Variants in CKLF observed in about 807,000 individuals in gnomAD.
The protein encoded by CKLF is chemokine-like factor.
Under a neutral mutation model 12.9 loss-of-function variants are expected in CKLF, and 16 were observed. The ratio of observed to expected loss-of-function variants is 1.24; its 90% CI spans 0.84 to 1.88. CKLF has a LOEUF of 1.88. Ranked by LOEUF, CKLF falls within the 40% of genes most tolerant of loss-of-function variation. The probability of loss-of-function intolerance (pLI) is 0.00; values close to 1 mark genes in which losing one functional copy is unlikely to be tolerated. For missense variants in CKLF, 172 were observed against 188.5 expected (o/e 0.91, Z 0.51); for synonymous variants, 61 against 69.0 (o/e 0.88, Z 0.57).
chr16:66,552,595 C>T lies in CKLF; in HGVS notation c.-121C>T. 2 of 1,490,886 alleles carry T rather than the reference C, an allele frequency of 1.3e-6. No individual in the cohort carries two copies. Among genetic ancestry groups the T allele is most frequent in the Middle Eastern group, 1.9e-4 (1 of 5,222 alleles). The allele number at this position is 1,490,886 out of a possible 1,614,324, so 92.4% of individuals were successfully genotyped here. A position where few individuals can be genotyped will look rare whatever the true frequency, so the allele number is the denominator to read the frequency against. ...CAAGAGAGCGGGAAGCCGAGCTGGG[C>T]GAGAAGTAGGGGAGGGCGGTGCTCC... On this transcript the variant is annotated 5_prime_UTR_variant, in exon 1 of 4. Coordinates refer to ENST00000264001, the MANE Select transcript of CKLF (RefSeq NM_016951.4).
chr16:66,555,753 C>T (rs1159248835), intron 1 of CKLF, among the ~76,000 whole-genome samples: 1 of 152,112 alleles, frequency 6.6e-6, no homozygotes, highest in Non-Finnish European at 1.5e-5. Context: ...AACAAATTTG[C>T]ATGTTAGAAA....
At chr16:66,558,375 T>G (rs1420162746) in intron 2 of CKLF, 27 bp downstream of exon 2, 3 of 1,586,382 alleles carry the variant, frequency 1.9e-6, no homozygotes, top group African/African-American at 1.4e-5. Context: ...ATCCTTAAAT[T>G]TTACTTTTTC....
At chr16:66,559,934 GT>G (rs11353411) in intron 2 of CKLF, among the ~76,000 whole-genome samples, 9,626 of 152,154 alleles carry the variant, frequency 0.063, 455 homozygotes, top group East Asian at 0.12. Context: ...TGGTTCTTTG[GT>G]TAAGACAAAA....
chr16:66,563,843 A>G (rs1041117383), intron 3 of CKLF, among the ~76,000 whole-genome samples: 3 of 152,236 alleles, frequency 2.0e-5, no homozygotes. Context: ...TATTCTTCTA[A>G]GATTTCTCAT....
At chr16:66,554,630 C>T (rs372502647) in intron 1 of CKLF, among the ~76,000 whole-genome samples, 17 of 152,104 alleles carry the variant, frequency 1.1e-4, no homozygotes, top group African/African-American at 3.6e-4. Context: ...TGCAGTGGAA[C>T]GAGAAAAGTA....
chr16:66,564,240 G>A (rs1246724730), intron 3 of CKLF, among the ~76,000 whole-genome samples: 1 of 152,166 alleles, frequency 6.6e-6, no homozygotes, highest in Non-Finnish European at 1.5e-5. Flanking sequence ...GTGCTATTCA[G>A]TATAGTAACC....
chr16:66,561,020 A>G (rs1420389746), intron 2 of CKLF, among the ~76,000 whole-genome samples: 1 of 152,146 alleles, frequency 6.6e-6, no homozygotes, highest in Non-Finnish European at 1.5e-5. Context: ...GTCCCTGCAG[A>G]GTAGAATTGG....
intron 2 of CKLF, chr16:66,558,568 G>GA: frequency 4.4e-6 from 2 of 453,760 alleles, no homozygotes; most frequent in Non-Finnish European, 7.5e-6. Context: ...CCATCTATCA[G>GA]TAGATGTGGC....
At chr16:66,558,633 G>A in intron 2 of CKLF, 1 of 266,882 alleles carries the variant, frequency 3.7e-6, no homozygotes, top group Admixed American at 5.1e-5. Context: ...TTTAAATTTA[G>A]GACCATGTTA....
chr16:66,555,378 G>T (rs2011397616), intron 1 of CKLF, among the ~76,000 whole-genome samples: 1 of 152,206 alleles, frequency 6.6e-6, no homozygotes, highest in South Asian at 2.1e-4. Flanking sequence ...GGTGGCTGGT[G>T]GTAGCAAAGC....
At chr16:66,557,838 A>C (rs2011508063) in intron 1 of CKLF, among the ~76,000 whole-genome samples, 1 of 152,240 alleles carries the variant, frequency 6.6e-6, no homozygotes, top group Admixed American at 6.5e-5. Context: ...TGTCAGAAGC[A>C]CAAGAGGAAT....
chr16:66,564,507 G>A (rs8061040), intron 3 of CKLF, among the ~76,000 whole-genome samples: 7,410 of 144,328 alleles, frequency 0.051, 300 homozygotes, highest in East Asian at 0.12. Flanking sequence ...TGTCTCTGTC[G>A]CCCAGGCTGG....
At position 66,552,659 on chromosome 16, in the gene CKLF, C is replaced by T; in HGVS notation, c.-57C>T. The T allele has an allele frequency of 6.2e-7, 1 of 1,613,086 alleles. No individual in the cohort carries two copies. The highest frequency in any genetic ancestry group is 8.5e-7 in the Non-Finnish European group (1 of 1,179,418). On this transcript the variant is annotated 5_prime_UTR_variant, in exon 1 of 4. Transcript: ENST00000264001. Reference sequence around the variant, plus strand: ...TTGCTATCGCTTCGCAGAACCTACTCAGGCAGCCAGCTGAGAAGAGTTGAG... The same window carrying T: ...TTGCTATCGCTTCGCAGAACCTACTTAGGCAGCCAGCTGAGAAGAGTTGAG...
downstream of CKLF, chr16:66,566,231 G>A (rs1567368012): frequency 1.3e-6 from 2 of 1,484,470 alleles, no homozygotes; most frequent in African/African-American, 1.4e-5. This position sits in a 1 kb window ranked among gnomAD's most constrained non-coding sequence, Gnocchi z 4.9. Context: ...AGAATGTGCC[G>A]GGATCCGCCT....
chr16:66,564,042 G>A (rs2011947980), intron 3 of CKLF, among the ~76,000 whole-genome samples: 1 of 152,204 alleles, frequency 6.6e-6, no homozygotes, highest in South Asian at 2.1e-4. Flanking sequence ...TGAGGAGTCA[G>A]AATTATTCTA....
At chr16:66,565,864 T>G in intron 3 of CKLF, 22 bp from the exon 4 acceptor site, 5 of 1,612,376 alleles carry the variant, frequency 3.1e-6, no homozygotes, top group Non-Finnish European at 4.2e-6. Context: ...GTTAGGGCAG[T>G]GACACTTGTC....
Position 66,565,941 on chromosome 16 carries a change from G to T in CKLF, c.389G>T (p.Arg130Leu), listed in dbSNP as rs536256590. 6.2e-7 allele frequency: 1 copy of T among 1,613,774 alleles called. No individual in the cohort carries two copies. The highest frequency in any genetic ancestry group is 8.5e-7 in the Non-Finnish European group (1 of 1,179,830). The change falls in exon 4 of 4, where the codon CGG becomes CTG. Residue 130 changes from arginine (R) to leucine (L), a missense_variant. Physicochemically the swap from Arg to Leu is moderately radical, Grantham distance 102. Coordinates refer to ENST00000264001, the MANE Select transcript of CKLF (RefSeq NM_016951.4). ...CCLADGALIY[R>L]KLLFNPSGPY... ...CTTGCCGACGGGGCCCTTATTTACC[G>T]GAAGCTTCTGTTCAATCCCAGCGGT...
intron 3 of CKLF, 95 bp downstream of exon 3, chr16:66,563,312 T>G: frequency 6.9e-7 from 1 of 1,445,918 alleles, no homozygotes; most frequent in Admixed American, 2.2e-5. Context: ...TATACTATAT[T>G]CATCCTTGAG....
intron 1 of CKLF, among the ~76,000 whole-genome samples, chr16:66,554,524 A>G (rs189800105): frequency 2.0e-5 from 3 of 152,354 alleles, no homozygotes; most frequent in Admixed American, 1.3e-4. Flanking sequence ...TAGTGAAAAA[A>G]AACAAAGATC....
Sources: gnomAD v4.1 joint callset for allele counts (sites outside exome capture counted in the v4.1 genomes callset) on GRCh38, gnomAD v4.1.1 for gene constraint, Gnocchi (gnomAD v3.1) non-coding constraint, MANE v1.5 for transcripts, NCBI Gene and HGNC (gene_info 2026-07-23, HGNC 2026-07-21) for gene names.